Variants in HS3ST4 observed in about 807,000 individuals in gnomAD.
HS3ST4 encodes heparan sulfate-glucosamine 3-sulfotransferase 4.
Under a neutral mutation model 29.2 loss-of-function variants are expected in HS3ST4, and 17 were observed. That is an observed-to-expected ratio of 0.58 (90% CI 0.40 to 0.87). The LOEUF (loss-of-function observed/expected upper bound fraction) is 0.87. HS3ST4 is among the 40% of genes least tolerant of loss of function. HS3ST4 has a pLI of 0.00. For synonymous variants in HS3ST4, 314 were observed against 285.7 expected, an observed-to-expected ratio of 1.10 and a Z score of -1.00; for missense variants, 627 against 634.5, an observed-to-expected ratio of 0.99 and a Z score of 0.13.
At chr16:25,873,304 ATCCATCCATCCATCCATCCT>A (rs1166027277) in intron 1 of HS3ST4, among the ~76,000 whole-genome samples, 6 of 116,882 alleles carry the variant, frequency 5.1e-5, no homozygotes, top group Non-Finnish European at 9.5e-5. Context: ...CCATCCATCC[ATCCATCCATCCATCCATCCT>A]TCCTTCCTTC....
At chr16:25,807,810 G>A (rs1228613662) in intron 1 of HS3ST4, among the ~76,000 whole-genome samples, 1 of 152,098 alleles carries the variant, frequency 6.6e-6, no homozygotes, top group African/African-American at 2.4e-5. Flanking sequence ...GCCAGTATTG[G>A]AGTTGTCATT....
chr16:25,788,050 A>G (rs1046875820), intron 1 of HS3ST4, among the ~76,000 whole-genome samples: 13 of 152,212 alleles, frequency 8.5e-5, no homozygotes, highest in African/African-American at 2.9e-4. Flanking sequence ...CACCTCAAGC[A>G]AAAGTGAGAA....
At position 25,987,193 on chromosome 16, in the gene HS3ST4, A is replaced by G. The variant is rs557061267; in HGVS notation, c.735-148419A>G. ...TAGAGAAACCCCGTCTCTACTAAAA[A>G]TACAAAATTAGCCAGGTGTGGTGGC... On this transcript the variant is annotated intron_variant, in intron 1 of 1. Transcript: ENST00000331351. Among the ~76,000 whole-genome samples, 13 of 152,290 alleles carry G rather than the reference A, an allele frequency of 8.5e-5. No homozygotes were observed. In the South Asian group the frequency reaches 2.7e-3, roughly 32 times the overall value.
intron 1 of HS3ST4, among the ~76,000 whole-genome samples, chr16:25,756,277 G>A (rs1414801798): frequency 2.0e-5 from 3 of 152,090 alleles, no homozygotes; most frequent in Non-Finnish European, 4.4e-5. Context: ...TTTTAAGCAG[G>A]GGAGAGATAC....
At chr16:25,909,670 G>A (rs138390842) in intron 1 of HS3ST4, among the ~76,000 whole-genome samples, 147 of 152,278 alleles carry the variant, frequency 9.7e-4, no homozygotes, top group African/African-American at 3.3e-3. Context: ...GATCCAGCGG[G>A]TTTCTACTTG....
At chr16:25,968,214 T>C (rs1421778311) in intron 1 of HS3ST4, among the ~76,000 whole-genome samples, 1 of 152,192 alleles carries the variant, frequency 6.6e-6, no homozygotes, top group East Asian at 1.9e-4. Flanking sequence ...CTGAGACTTG[T>C]TCTTCCTGAG....
chr16:25,982,254 G>T (rs988373230), intron 1 of HS3ST4, among the ~76,000 whole-genome samples: 1 of 152,190 alleles, frequency 6.6e-6, no homozygotes, highest in African/African-American at 2.4e-5. Context: ...CACTCACCCA[G>T]CTGGGTTTTG....
chr16:26,078,462 T>C (rs1294925933), intron 1 of HS3ST4, among the ~76,000 whole-genome samples: 1 of 152,204 alleles, frequency 6.6e-6, no homozygotes, highest in African/African-American at 2.4e-5. Flanking sequence ...TGTGCTTTAT[T>C]TTTTTAAAGA....
At chr16:25,879,012 A>T (rs1407221341) in intron 1 of HS3ST4, among the ~76,000 whole-genome samples, 1 of 152,174 alleles carries the variant, frequency 6.6e-6, no homozygotes, top group Non-Finnish European at 1.5e-5. Context: ...GTACTCAGAA[A>T]AACTCCAGGC....
intron 1 of HS3ST4, among the ~76,000 whole-genome samples, chr16:25,997,543 A>T (rs555870038): frequency 6.6e-6 from 1 of 152,164 alleles, no homozygotes; most frequent in Non-Finnish European, 1.5e-5. Flanking sequence ...ATATCTCTTC[A>T]TCTCTTAATT....
chr16:26,067,636 A>C (rs1290918838), intron 1 of HS3ST4, among the ~76,000 whole-genome samples: 1 of 152,130 alleles, frequency 6.6e-6, no homozygotes. Context: ...CTAACTAATA[A>C]TTAGGGAAGT....
chr16:26,121,103 AT>A (rs2141810330), intron 1 of HS3ST4, among the ~76,000 whole-genome samples: 1 of 152,298 alleles, frequency 6.6e-6, no homozygotes, highest in South Asian at 2.1e-4. Context: ...GGAATTGTAT[AT>A]GGTGAAGAAA....
chr16:25,816,343 G>A (rs948107054), intron 1 of HS3ST4, among the ~76,000 whole-genome samples: 4 of 152,106 alleles, frequency 2.6e-5, no homozygotes, highest in Admixed American at 6.6e-5. Context: ...CATCACTTCC[G>A]AAAGCTTCCA....
intron 1 of HS3ST4, among the ~76,000 whole-genome samples, chr16:26,069,289 C>A (rs978531663): frequency 5.4e-4 from 83 of 152,306 alleles, no homozygotes; most frequent in South Asian, 4.1e-4. Context: ...CCTCTTCCAA[C>A]AAGAAATGGT....
chr16:25,814,263 T>C (rs1967070034), intron 1 of HS3ST4, among the ~76,000 whole-genome samples: 1 of 152,018 alleles, frequency 6.6e-6, no homozygotes, highest in South Asian at 2.1e-4. Context: ...CAGCAGAAAA[T>C]TAAACAAGAA....
chr16:25,831,923 T>C (rs1967306083), intron 1 of HS3ST4, among the ~76,000 whole-genome samples: 1 of 151,878 alleles, frequency 6.6e-6, no homozygotes, highest in Non-Finnish European at 1.5e-5. Flanking sequence ...CTGGGCAACA[T>C]AGGGAGACTA....
intron 1 of HS3ST4, among the ~76,000 whole-genome samples, chr16:25,833,019 G>C (rs1324415025): frequency 6.6e-6 from 1 of 152,122 alleles, no homozygotes; most frequent in Non-Finnish European, 1.5e-5. Flanking sequence ...TTCACAGAGA[G>C]GTATCAGTAA....
intron 1 of HS3ST4, among the ~76,000 whole-genome samples, chr16:26,060,126 T>C (rs956487182): frequency 3.3e-5 from 5 of 152,174 alleles, no homozygotes; most frequent in Non-Finnish European, 7.4e-5. Flanking sequence ...GTCAGAACCC[T>C]GAGTCCGTGC....
intron 1 of HS3ST4, among the ~76,000 whole-genome samples, chr16:25,938,980 T>C (rs370180716): frequency 6.6e-6 from 1 of 152,336 alleles, no homozygotes; most frequent in African/African-American, 2.4e-5. Flanking sequence ...ACCTAGAATC[T>C]AGTGCAATGT....
Sources: gnomAD v4.1 joint callset for allele counts (sites outside exome capture counted in the v4.1 genomes callset) on GRCh38, gnomAD v4.1.1 for gene constraint, MANE v1.5 for transcripts, NCBI Gene and HGNC (gene_info 2026-07-23, HGNC 2026-07-21) for gene names.